The following ACSS2 variants were observed in gnomAD, a reference collection of about 807,000 sequenced individuals.
ACSS2 encodes the protein acetyl-coenzyme A synthetase, cytoplasmic.
ACSS2 carries 58 observed loss-of-function variants against 90.6 expected under a neutral mutation model. The observed-to-expected ratio is 0.64, with a 90% CI of 0.52 to 0.80. The LOEUF (loss-of-function observed/expected upper bound fraction) is 0.80, where lower values mean the gene tolerates loss of function less well. Among genes scored for constraint, ACSS2 ranks in the 30% least tolerant of loss-of-function variants. The probability of loss-of-function intolerance (pLI) is 0.00; values close to 1 mark genes in which losing one functional copy is unlikely to be tolerated. For synonymous variants in ACSS2, 300 were observed against 330.9 expected (o/e 0.91, Z 1.01); for missense variants, 759 against 912.0 (o/e 0.83, Z 2.16).
At chr20:34,890,924 ATG>A (rs1048673729) in intron 2 of ACSS2, among the ~76,000 whole-genome samples, 4 of 142,606 alleles carry the variant, frequency 2.8e-5, no homozygotes. Context: ...TTGTAGGCAT[ATG>A]TGTGTGTGTG....
Position 34,921,125 on chromosome 20 carries a change from T to C in ACSS2, c.1263T>C (p.Asp421=), listed in dbSNP as rs2081186729. Residue 421 remains aspartate, a synonymous_variant, in exon 10 of 18, where the codon GAT becomes GAC. Coordinates refer to ENST00000360596, the MANE Select transcript of ACSS2 (RefSeq NM_018677.4). ...TAIRLLMKFG[D]EPVTKHSRAS... ...TCCGTCTGCTCATGAAGTTTGGAGA[T>C]GAGCCTGTCACCAAGTGAGACCTCT... 6.2e-7 allele frequency: 1 copy of C among 1,614,202 alleles called. No homozygotes were observed. The highest frequency in any genetic ancestry group is 1.3e-5 in the African/African-American group (1 of 75,050).
chr20:34,878,749 T>C (rs919388983), intron 1 of ACSS2, among the ~76,000 whole-genome samples: 1 of 152,202 alleles, frequency 6.6e-6, no homozygotes, highest in African/African-American at 2.4e-5. Flanking sequence ...TGTCCTCTCT[T>C]GCCTAGTTTC....
At chr20:34,910,965 G>A (rs538625562) in intron 2 of ACSS2, among the ~76,000 whole-genome samples, 1 of 152,096 alleles carries the variant, frequency 6.6e-6, no homozygotes, top group South Asian at 2.1e-4. Flanking sequence ...TGAGACTACA[G>A]GTGTGCACCA....
chr20:34,910,143 TC>T (rs1375342026), intron 2 of ACSS2, among the ~76,000 whole-genome samples: 1 of 152,008 alleles, frequency 6.6e-6, no homozygotes, highest in African/African-American at 2.4e-5. Context: ...TGCTTCAGCC[TC>T]CTGTAAAATT....
At position 34,927,273 on chromosome 20, in the gene ACSS2, G is replaced by GC; in HGVS notation, c.*64dup. ...GCTCCAAACTTTGCCCATCCTCTTT[G>GC]CCCCCTCAGGAGTGCTGAGGGCCAG... On this transcript the variant is annotated 3_prime_UTR_variant, in exon 18 of 18. Transcript: ENST00000360596. The surrounding 1 kb of genome is among the most constrained non-coding windows in gnomAD (Gnocchi z 4.2). The GC allele has an allele frequency of 1.2e-6, 2 of 1,602,072 alleles. No individual in the cohort carries two copies. The highest frequency in any genetic ancestry group is 1.7e-6 in the Non-Finnish European group (2 of 1,177,756).
intron 2 of ACSS2, among the ~76,000 whole-genome samples, chr20:34,901,989 A>T (rs1192271819): frequency 6.6e-6 from 1 of 152,170 alleles, no homozygotes; most frequent in African/African-American, 2.4e-5. Flanking sequence ...GAAACTCCTG[A>T]AGGAGTGCCT....
chr20:34,910,696 G>T (rs879734638), intron 2 of ACSS2, among the ~76,000 whole-genome samples: 1 of 152,180 alleles, frequency 6.6e-6, no homozygotes, highest in Non-Finnish European at 1.5e-5. Flanking sequence ...TTGCCAGTAG[G>T]CAGGGTGATT....
chr20:34,889,232 C>T (rs1014837137), intron 2 of ACSS2, among the ~76,000 whole-genome samples: 10 of 151,804 alleles, frequency 6.6e-5, no homozygotes, highest in Non-Finnish European at 1.2e-4. Flanking sequence ...ACACCATTCT[C>T]CTGCCTCAGC....
chr20:34,898,012 G>A (rs953546023), intron 2 of ACSS2, among the ~76,000 whole-genome samples: 1 of 152,132 alleles, frequency 6.6e-6, no homozygotes, highest in Non-Finnish European at 1.5e-5. Context: ...AAGGTGGCAC[G>A]TCTGGAGTTT....
chr20:34,916,614 A>T (rs2081082483), intron 7 of ACSS2, among the ~76,000 whole-genome samples: 1 of 152,218 alleles, frequency 6.6e-6, no homozygotes, highest in Non-Finnish European at 1.5e-5. Flanking sequence ...AGAGCATAAA[A>T]ATAGGCTTAA....
intron 2 of ACSS2, among the ~76,000 whole-genome samples, chr20:34,898,943 G>C (rs1281903055): frequency 6.6e-6 from 1 of 152,244 alleles, no homozygotes; most frequent in Non-Finnish European, 1.5e-5. Context: ...CCCGAGCCCT[G>C]CCCCGCGGGA....
At chr20:34,917,737 T>TTTTTTGTTGTTTTTG (rs1205829349) in intron 7 of ACSS2, among the ~76,000 whole-genome samples, 2 of 151,932 alleles carry the variant, frequency 1.3e-5, no homozygotes, top group Admixed American at 1.3e-4. Flanking sequence ...TTTGTGGGTT[T>TTTTTTGTTGTTTTTG]TTTTTGTTGT....
Position 34,876,724 on chromosome 20 carries a change from C to T in ACSS2, c.79C>T (p.Arg27Trp), listed in dbSNP as rs1438946661. The T allele has an allele frequency of 1.6e-5, 23 of 1,443,728 alleles. No homozygotes were observed. The highest frequency in any genetic ancestry group is 2.0e-5 in the Non-Finnish European group (22 of 1,089,922). The allele number at this position is 1,443,728 out of a possible 1,614,324, so 89.4% of individuals were successfully genotyped here. The change falls in exon 1 of 18, where the codon CGG becomes TGG. Residue 27 changes from arginine (R) to tryptophan (W), a missense_variant. Physicochemically the swap from Arg to Trp is moderately radical, Grantham distance 101. Transcript: ENST00000360596. The part of the protein sequence containing the change: ...QEEAGAGGRA[R>W]SWSPPPEVSR... ...GGAAGCTGGAGCCGGAGGCCGGGCG[C>T]GGAGTTGGTCTCCGCCGCCCGAGGT...
chr20:34,877,431 C>T (rs1438793584), intron 1 of ACSS2, among the ~76,000 whole-genome samples: 1 of 152,112 alleles, frequency 6.6e-6, no homozygotes, highest in Admixed American at 6.5e-5. Flanking sequence ...ACTACGATGT[C>T]AAGTTGTTTT....
Position 34,921,350 on chromosome 20 carries a change from A to T in ACSS2, c.1298A>T (p.Gln433Leu). The change falls in exon 11 of 18, where the codon CAG becomes CTG. Residue 433 changes from glutamine (Q) to leucine (L), a missense_variant. By Grantham distance (113) the Gln-to-Leu change is moderately radical. Coordinates refer to ENST00000360596, the MANE Select transcript of ACSS2 (RefSeq NM_018677.4). The part of the protein sequence containing the change: ...PVTKHSRASL[Q>L]VLGTVGEPIN... Reference sequence around the variant, plus strand: ...CCCAGGCATAGCCGGGCATCCTTGCAGGTGTTAGGCACAGTGGGTGAACCC... The same window carrying T: ...CCCAGGCATAGCCGGGCATCCTTGCTGGTGTTAGGCACAGTGGGTGAACCC... 1 of 1,614,144 alleles carries T rather than the reference A, an allele frequency of 6.2e-7. No individual in the cohort carries two copies. Among genetic ancestry groups the T allele is most frequent in the South Asian group, 1.1e-5 (1 of 91,076 alleles).
At chr20:34,925,522 A>T (rs186052100) in intron 14 of ACSS2, among the ~76,000 whole-genome samples, 176 bp from the exon 15 acceptor site, 1 of 152,286 alleles carries the variant, frequency 6.6e-6, no homozygotes, top group African/African-American at 2.4e-5. Flanking sequence ...CAGGGCTATG[A>T]ATACCAAGAG....
intron 1 of ACSS2, among the ~76,000 whole-genome samples, chr20:34,877,429 G>A (rs1028772872): frequency 2.6e-5 from 4 of 152,176 alleles, no homozygotes; most frequent in Admixed American, 6.5e-5. Context: ...TTACTACGAT[G>A]TCAAGTTGTT....
intron 8 of ACSS2, 80 bp downstream of exon 8, chr20:34,919,652 G>A (rs1379265586): frequency 1.7e-5 from 26 of 1,487,312 alleles, no homozygotes; most frequent in Non-Finnish European, 2.3e-5. Context: ...AGTTTCTGAG[G>A]AAACAAGTAA....
rs1398746062 is a variant in ACSS2, at chr20:34,882,957, G to C, written c.342G>C (p.Glu114Asp). Reference protein sequence around the residue: ...CYNVLDRNVHEKKLGDKVAFY... With the variant: ...CYNVLDRNVHDKKLGDKVAFY... ...ATGTACTGGATCGAAATGTCCATGAGAAAAAGCTTGGAGATAAAGTTGCTT... is the reference window on the plus strand; with the variant it reads ...ATGTACTGGATCGAAATGTCCATGACAAAAAGCTTGGAGATAAAGTTGCTT... Residue 114 changes from glutamate (E) to aspartate (D), a missense_variant, in exon 2 of 18, where the codon GAG becomes GAC. Coordinates refer to ENST00000360596, the MANE Select transcript of ACSS2 (RefSeq NM_018677.4). 1.2e-6 allele frequency: 2 copies of C among 1,604,832 alleles called. No homozygotes were observed. Among genetic ancestry groups the C allele is most frequent in the African/African-American group, 2.7e-5 (2 of 74,256 alleles).
Sources: gnomAD v4.1 joint callset for allele counts (sites outside exome capture counted in the v4.1 genomes callset) on GRCh38, gnomAD v4.1.1 for gene constraint, Gnocchi (gnomAD v3.1) non-coding constraint, MANE v1.5 for transcripts, NCBI Gene and HGNC (gene_info 2026-07-23, HGNC 2026-07-21) for gene names.